The following AEBP2 variants were observed in gnomAD, a reference collection of about 807,000 sequenced individuals.
AEBP2 encodes the protein zinc finger protein AEBP2.
A neutral mutation model predicts 50.8 loss-of-function variants in AEBP2; 10 were observed. The observed-to-expected ratio is 0.20, with a 90% CI of 0.12 to 0.33. The LOEUF (loss-of-function observed/expected upper bound fraction) is 0.33. AEBP2 is among the 10% of genes least tolerant of loss of function. The pLI is 1.00. For synonymous variants in AEBP2, 296 were observed against 261.3 expected (o/e 1.13, Z -1.28); for missense variants, 570 against 688.0 (o/e 0.83, Z 1.92).
chr12:19,442,549 C>T (rs1388621217), intron 1 of AEBP2, among the ~76,000 whole-genome samples: 1 of 152,094 alleles, frequency 6.6e-6, no homozygotes, highest in East Asian at 1.9e-4. Context: ...GAGATATTTA[C>T]TTGAGTATAT....
chr12:19,457,429 T>A (rs1948290161), intron 1 of AEBP2: 2 of 1,510,780 alleles, frequency 1.3e-6, no homozygotes, highest in Admixed American at 3.5e-5. Context: ...AAGGAGGTAT[T>A]AATGGTGATA....
intron 3 of AEBP2, among the ~76,000 whole-genome samples, chr12:19,480,425 T>C (rs1948709403): frequency 6.6e-6 from 1 of 152,182 alleles, no homozygotes; most frequent in South Asian, 2.1e-4. Flanking sequence ...TATTTTGGTG[T>C]GTTTCGAGGT....
At chr12:19,442,598 G>A (rs913587596) in intron 1 of AEBP2, among the ~76,000 whole-genome samples, 1 of 152,086 alleles carries the variant, frequency 6.6e-6, no homozygotes, top group Non-Finnish European at 1.5e-5. Flanking sequence ...AGTAAAATAC[G>A]GGTGTCACAA....
chr12:19,513,460 C>T (rs1189842230), intron 6 of AEBP2, among the ~76,000 whole-genome samples: 1 of 152,028 alleles, frequency 6.6e-6, no homozygotes, highest in African/African-American at 2.4e-5. Context: ...GTACCTAATT[C>T]ACGTATGTGG....
intron 4 of AEBP2, among the ~76,000 whole-genome samples, chr12:19,498,798 A>G (rs981941406): frequency 2.6e-5 from 4 of 152,196 alleles, no homozygotes; most frequent in African/African-American, 7.2e-5. Flanking sequence ...TCTTCAGTGT[A>G]TAATTTTTTT....
chr12:19,514,911 G>T (rs1447224997), intron 7 of AEBP2, 127 bp downstream of exon 7: 25 of 659,684 alleles, frequency 3.8e-5, no homozygotes, highest in South Asian at 1.0e-4. Flanking sequence ...TTACTTCCTG[G>T]CTTTTTTTTT....
chr12:19,455,286 C>T (rs1233592425), intron 1 of AEBP2, among the ~76,000 whole-genome samples: 1 of 152,120 alleles, frequency 6.6e-6, no homozygotes, highest in East Asian at 1.9e-4. Context: ...AGCCACTGCG[C>T]CTGGCAGAAG....
chr12:19,482,514 C>G (rs1565724858), intron 3 of AEBP2, among the ~76,000 whole-genome samples: 1 of 152,158 alleles, frequency 6.6e-6, no homozygotes, highest in Non-Finnish European at 1.5e-5. Context: ...ATGAGTTGCT[C>G]TAATGGCCTG....
intron 1 of AEBP2, among the ~76,000 whole-genome samples, chr12:19,411,441 G>C (rs2095739178): frequency 6.6e-6 from 1 of 152,172 alleles, no homozygotes; most frequent in Non-Finnish European, 1.5e-5. Context: ...AATGCAGAGA[G>C]AATTTCCTCT....
chr12:19,426,695 G>C (rs1011009870), intron 1 of AEBP2, among the ~76,000 whole-genome samples: 3 of 152,162 alleles, frequency 2.0e-5, no homozygotes, highest in African/African-American at 7.2e-5. Context: ...CCTGAGGTCA[G>C]GAGTTCAAGA....
intron 3 of AEBP2, among the ~76,000 whole-genome samples, chr12:19,478,917 C>G: frequency 6.6e-6 from 1 of 152,062 alleles, no homozygotes; most frequent in Non-Finnish European, 1.5e-5. Context: ...TATCCATGTC[C>G]TGATGAAAAT....
intron 1 of AEBP2, among the ~76,000 whole-genome samples, chr12:19,405,137 A>G (rs2095735536): frequency 1.3e-5 from 2 of 151,512 alleles, no homozygotes; most frequent in Admixed American, 6.6e-5. Context: ...GGGTTTCACC[A>G]TGTTGCCAAG....
upstream of AEBP2, among the ~76,000 whole-genome samples, chr12:19,437,495 T>C (rs1213495692): frequency 6.6e-6 from 1 of 152,086 alleles, no homozygotes; most frequent in East Asian, 1.9e-4. Flanking sequence ...CACTTCAGCC[T>C]CCTGAGTAGC....
intron 5 of AEBP2, chr12:19,509,288 A>C (rs1232934267): frequency 4.1e-6 from 1 of 241,006 alleles, no homozygotes; most frequent in Non-Finnish European, 8.2e-6. Flanking sequence ...AAAAATGAAA[A>C]GACTTGAAAA....
At chr12:19,411,817 G>C (rs1372668551) in intron 1 of AEBP2, among the ~76,000 whole-genome samples, 1 of 152,218 alleles carries the variant, frequency 6.6e-6, no homozygotes, top group Non-Finnish European at 1.5e-5. Flanking sequence ...GACATAGATT[G>C]ACTCGTTTAC....
intron 5 of AEBP2, among the ~76,000 whole-genome samples, chr12:19,510,274 C>T (rs1461482855): frequency 4.6e-5 from 7 of 152,084 alleles, no homozygotes; most frequent in Admixed American, 1.3e-4. Context: ...AATGGCAGTA[C>T]GGTGTAATAC....
At chr12:19,506,662 C>G (rs1949159440) in intron 5 of AEBP2, among the ~76,000 whole-genome samples, 2 of 152,128 alleles carry the variant, frequency 1.3e-5, no homozygotes, top group African/African-American at 4.8e-5. Flanking sequence ...CAGGCTTTAA[C>G]ATGTTCACTT....
rs922563242 is a variant in AEBP2, at chr12:19,464,061, A to T, written c.879+1344A>T. On this transcript the variant is annotated intron_variant, in intron 2 of 7. Coordinates refer to ENST00000266508, the MANE Select transcript of AEBP2 (RefSeq NM_153207.5). ...CAAACTTGATAAGTATAGCAATTGT[A>T]CATTTGTCTTCTTGTTAGAGTTAAT... Among the ~76,000 whole-genome samples the T allele has an allele frequency of 7.2e-5, 11 of 152,218 alleles. 1 individual carries two copies. Among genetic ancestry groups the T allele is most frequent in the Admixed American group, 1.3e-4 (2 of 15,286 alleles).
intron 3 of AEBP2, among the ~76,000 whole-genome samples, chr12:19,493,097 G>A (rs1443867605): frequency 2.6e-5 from 4 of 152,108 alleles, no homozygotes; most frequent in African/African-American, 4.8e-5. Flanking sequence ...AGCATGTAAC[G>A]TAAAAAAAAT....
Sources: gnomAD v4.1 joint callset for allele counts (sites outside exome capture counted in the v4.1 genomes callset) on GRCh38, gnomAD v4.1.1 for gene constraint, MANE v1.5 for transcripts, NCBI Gene and HGNC (gene_info 2026-07-23, HGNC 2026-07-21) for gene names.